CRISPLD2: variants seen among roughly 807,000 people sequenced by gnomAD.
CRISPLD2 encodes the protein cysteine rich secretory protein LCCL domain containing 2.
In CRISPLD2, 47 loss-of-function variants were observed where a neutral mutation model predicts 71.1. That is an observed-to-expected ratio of 0.66 (90% confidence interval 0.52 to 0.84). CRISPLD2 has a LOEUF of 0.84. CRISPLD2 is among the 40% of genes least tolerant of loss of function. CRISPLD2 has a pLI of 0.00. For missense variants in CRISPLD2, 830 were observed against 651.1 expected, an observed-to-expected ratio of 1.27 and a Z score of -2.99; for synonymous variants, 317 against 250.1, an observed-to-expected ratio of 1.27 and a Z score of -2.52.
intron 2 of CRISPLD2, among the ~76,000 whole-genome samples, chr16:84,841,220 C>T (rs1453639590): frequency 7.2e-5 from 11 of 152,196 alleles, no homozygotes; most frequent in Admixed American, 7.2e-4. Context: ...TGCGGAGGAG[C>T]CATCTCAGTT....
At chr16:84,846,695 G>C (rs1916923686) in intron 3 of CRISPLD2, among the ~76,000 whole-genome samples, 1 of 152,120 alleles carries the variant, frequency 6.6e-6, no homozygotes, top group South Asian at 2.1e-4. Context: ...CACCCTGTTG[G>C]GAAGATGCCC....
At chr16:84,889,889 G>A (rs1597481701) in intron 14 of CRISPLD2, among the ~76,000 whole-genome samples, 1 of 151,964 alleles carries the variant, frequency 6.6e-6, no homozygotes, top group South Asian at 2.1e-4. Context: ...ATAAGATTAG[G>A]GAGCCTGGAG....
chr16:84,891,808 AC>A, intron 14 of CRISPLD2, among the ~76,000 whole-genome samples: 1 of 151,842 alleles, frequency 6.6e-6, no homozygotes, highest in Admixed American at 6.6e-5. Context: ...CAGCTTTCCC[AC>A]CCGCCCCACT....
At chr16:84,895,585 G>C (rs1210257350) in intron 14 of CRISPLD2, among the ~76,000 whole-genome samples, 1 of 152,148 alleles carries the variant, frequency 6.6e-6, no homozygotes, top group Non-Finnish European at 1.5e-5. Flanking sequence ...ATACGTGCTA[G>C]TCTGAAACTT....
At chr16:84,846,816 G>A (rs1248338991) in intron 3 of CRISPLD2, among the ~76,000 whole-genome samples, 4 of 152,156 alleles carry the variant, frequency 2.6e-5, no homozygotes, top group East Asian at 1.9e-4. Flanking sequence ...GTCTGGGAGC[G>A]ATTTGTCCCC....
chr16:84,827,403 T>C (rs1161606142), intron 1 of CRISPLD2, among the ~76,000 whole-genome samples: 6 of 152,024 alleles, frequency 3.9e-5, no homozygotes, highest in African/African-American at 1.4e-4. Flanking sequence ...CACCGTGGCC[T>C]TCAAGGCTGC....
At chr16:84,838,902 G>A (rs552282916) in intron 2 of CRISPLD2, 167 bp downstream of exon 2, 1 of 939,662 alleles carries the variant, frequency 1.1e-6, no homozygotes, top group African/African-American at 1.6e-5. Flanking sequence ...TTGTTTGTTT[G>A]TTTTGAGACA....
chr16:84,906,217 G>A (rs2071801020), intron 14 of CRISPLD2, among the ~76,000 whole-genome samples: 1 of 152,052 alleles, frequency 6.6e-6, no homozygotes, highest in African/African-American at 2.4e-5. Context: ...TGCTGAGATA[G>A]CACCTGTTCA....
At chr16:84,835,607 G>A (rs1438889649) in intron 1 of CRISPLD2, among the ~76,000 whole-genome samples, 1 of 152,172 alleles carries the variant, frequency 6.6e-6, no homozygotes, top group African/African-American at 2.4e-5. Context: ...TGGCTTTTGT[G>A]GTGCACATGA....
At chr16:84,863,304 G>T (rs1236726349) in intron 6 of CRISPLD2, 2 of 152,104 alleles carry the variant, frequency 1.3e-5, no homozygotes, top group Non-Finnish European at 2.9e-5. Context: ...TAAATTTTTG[G>T]TAGAAAGTAT....
At chr16:84,838,955 C>T in intron 2 of CRISPLD2, 1 of 705,452 alleles carries the variant, frequency 1.4e-6, no homozygotes, top group Non-Finnish European at 2.5e-6. Context: ...ATGGCACAAT[C>T]GTCATGCCCT....
intron 8 of CRISPLD2, among the ~76,000 whole-genome samples, chr16:84,870,401 C>T (rs2071457462): frequency 1.3e-5 from 2 of 152,046 alleles, no homozygotes; most frequent in Non-Finnish European, 2.9e-5. Flanking sequence ...CTCACTGCCA[C>T]CTCTGCTTCC....
At chr16:84,855,801 A>G (rs191536631) in intron 6 of CRISPLD2, among the ~76,000 whole-genome samples, 5 of 152,326 alleles carry the variant, frequency 3.3e-5, no homozygotes, top group Admixed American at 6.5e-5. Flanking sequence ...TAATACAACC[A>G]TCCTTCGTAA....
At chr16:84,875,655 C>A (rs914164923) in intron 11 of CRISPLD2, among the ~76,000 whole-genome samples, 2 of 151,486 alleles carry the variant, frequency 1.3e-5, no homozygotes, top group African/African-American at 4.9e-5. Context: ...CTCATGGGTT[C>A]AAGTGATTCT....
Position 84,907,745 on chromosome 16 carries a change from G to A in CRISPLD2, c.*1103G>A, listed in dbSNP as rs1456417583. 1 of 152,214 alleles carries A rather than the reference G, an allele frequency of 6.6e-6. No individual in the cohort carries two copies. Among genetic ancestry groups the A allele is most frequent in the Non-Finnish European group, 1.5e-5 (1 of 68,058 alleles). The allele number at this position is 152,214 out of a possible 1,614,324, so 9.4% of individuals were successfully genotyped here. A position where few individuals can be genotyped will look rare whatever the true frequency, so the allele number is the denominator to read the frequency against. On this transcript the variant is annotated 3_prime_UTR_variant, in exon 15 of 15. Transcript: ENST00000262424. ...CACCGAGGTTAGCAGCTCAGTTTGT[G>A]GTTATGAAACCGTCTGTGGCCTCAT...
intron 1 of CRISPLD2, among the ~76,000 whole-genome samples, chr16:84,825,171 G>C (rs1186687488): frequency 6.6e-6 from 1 of 152,104 alleles, no homozygotes; most frequent in Non-Finnish European, 1.5e-5. Context: ...ACTTGGGAAG[G>C]GGGATATTCA....
chr16:84,876,998 A>C (rs1289119534), intron 11 of CRISPLD2, among the ~76,000 whole-genome samples: 1 of 152,118 alleles, frequency 6.6e-6, no homozygotes, highest in African/African-American at 2.4e-5. Flanking sequence ...GGTATGTCAG[A>C]AGGAGCTCTA....
intron 14 of CRISPLD2, among the ~76,000 whole-genome samples, chr16:84,900,069 C>T (rs2071740123): frequency 6.6e-6 from 1 of 152,014 alleles, no homozygotes; most frequent in South Asian, 2.1e-4. Flanking sequence ...CCAGGGTCAC[C>T]CCAGCCCCTG....
chr16:84,895,105 C>G (rs1371098982), intron 14 of CRISPLD2, among the ~76,000 whole-genome samples: 1 of 145,582 alleles, frequency 6.9e-6, no homozygotes, highest in Non-Finnish European at 1.5e-5. Flanking sequence ...ACCAGCTCTG[C>G]ACACGTTAGC....
Sources: allele counts gnomAD v4.1 joint callset (sites outside exome capture counted in the v4.1 genomes callset), GRCh38; gene constraint gnomAD v4.1.1; transcripts MANE v1.5; gene names NCBI Gene and HGNC (gene_info 2026-07-23, HGNC 2026-07-21).